The following KCNU1 variants were observed in gnomAD, a reference collection of about 807,000 sequenced individuals.
KCNU1 encodes potassium channel subfamily U member 1.
KCNU1 carries 93 observed loss-of-function variants against 126.8 expected under a neutral mutation model. That is an observed-to-expected ratio of 0.73 (90% confidence interval 0.62 to 0.87). KCNU1 has a LOEUF of 0.87. Among genes scored for constraint, KCNU1 ranks in the 40% least tolerant of loss-of-function variants. The pLI, the probability that KCNU1 is intolerant of heterozygous loss-of-function variation, is 0.00. For synonymous variants in KCNU1, 523 were observed against 494.2 expected (o/e 1.06, Z -0.77); for missense variants, 1,330 against 1,367.1 (o/e 0.97, Z 0.43).
intron 19 of KCNU1, among the ~76,000 whole-genome samples, chr8:36,866,290 C>T (rs1432478662): frequency 1.3e-5 from 2 of 152,090 alleles, no homozygotes; most frequent in African/African-American, 4.8e-5. Context: ...CTTCCGTTTA[C>T]CTGAGGATTC....
At chr8:36,836,499 G>A in intron 13 of KCNU1, 134 bp downstream of exon 13, 2 of 641,366 alleles carry the variant, frequency 3.1e-6, no homozygotes, top group Non-Finnish European at 5.4e-6. Context: ...TTATTAAGAT[G>A]GATAATCACT....
chr8:36,876,774 G>GGT (rs1321156588), intron 19 of KCNU1, among the ~76,000 whole-genome samples: 1 of 152,154 alleles, frequency 6.6e-6, no homozygotes, highest in African/African-American at 2.4e-5. Context: ...TTTCAAGGTA[G>GGT]GTGTGTATGT....
In KCNU1 at chr8:36,931,094, G is replaced by C. The variant is rs769435361; in HGVS notation, c.2880G>C (p.Arg960=). ...SCTSLLSGRN[R]CKLGLLSLHE... ...CGTCGCTCTTGTCTGGAAGAAACCGGTGTAAGCTGGGGCTTCTGTCCTTAC... is the reference window on the plus strand; with the variant it reads ...CGTCGCTCTTGTCTGGAAGAAACCGCTGTAAGCTGGGGCTTCTGTCCTTAC... The change falls in exon 25 of 27, where the codon CGG becomes CGC. Residue 960 remains arginine (R), a synonymous_variant. Transcript: ENST00000399881. The C allele has an allele frequency of 2.5e-6, 4 of 1,611,450 alleles. No homozygotes were observed. The highest frequency in any genetic ancestry group is 1.3e-5 in the African/African-American group (1 of 74,790).
intron 22 of KCNU1, among the ~76,000 whole-genome samples, chr8:36,917,865 G>A (rs184235080): frequency 6.4e-4 from 98 of 152,244 alleles, no homozygotes; most frequent in Admixed American, 2.9e-3. Flanking sequence ...TGAGCACAGA[G>A]GTCAAGGGCT....
chr8:36,891,435 A>G (rs1448464669), intron 19 of KCNU1, among the ~76,000 whole-genome samples: 2 of 152,028 alleles, frequency 1.3e-5, no homozygotes, highest in Non-Finnish European at 2.9e-5. Context: ...GTCAGACAAG[A>G]TAATACAAAA....
intron 2 of KCNU1, among the ~76,000 whole-genome samples, chr8:36,797,590 C>G (rs1803147195): frequency 6.6e-6 from 1 of 151,424 alleles, no homozygotes; most frequent in South Asian, 2.1e-4. Context: ...TATTATGTAC[C>G]AGTTTTTCTT....
Position 36,817,691 on chromosome 8 carries a change from C to T in KCNU1, c.1037C>T (p.Thr346Ile), listed in dbSNP as rs1360683639. ...VCGNITVDSV[T>I]AFLRNFLRDK... ...GGAAACATCACTGTGGACAGTGTGA[C>T]CGCTTTCCTGAGGAATTTCCTCCGC... The change falls in exon 10 of 27, where the codon ACC (threonine) becomes ATC (isoleucine). Residue 346 changes from threonine (T) to isoleucine (I), a missense_variant. Thr to Ile is a moderately conservative substitution (Grantham distance 89, BLOSUM62 -1). This residue lies in a region of KCNU1 where 1,054 missense variants were observed against 1,053.9 expected (regional missense o/e 1.00). Coordinates refer to ENST00000399881, the MANE Select transcript of KCNU1 (RefSeq NM_001031836.3). 6.2e-7 allele frequency: 1 copy of T among 1,612,908 alleles called. No homozygotes were observed. The highest frequency in any genetic ancestry group is 1.1e-5 in the South Asian group (1 of 91,048).
intron 19 of KCNU1, among the ~76,000 whole-genome samples, chr8:36,895,333 C>T (rs1807146030): frequency 6.6e-6 from 1 of 152,048 alleles, no homozygotes; most frequent in African/African-American, 2.4e-5. Context: ...CCCCCCTCAG[C>T]CTCCCAAAGT....
chr8:36,799,713 T>C (rs1229663998), intron 2 of KCNU1, among the ~76,000 whole-genome samples: 2 of 151,406 alleles, frequency 1.3e-5, no homozygotes, highest in Non-Finnish European at 2.9e-5. Flanking sequence ...TTTTTTTTTT[T>C]GTATTTTTAG....
At chr8:36,825,143 C>G (rs1804272238) in intron 10 of KCNU1, among the ~76,000 whole-genome samples, 1 of 152,126 alleles carries the variant, frequency 6.6e-6, no homozygotes, top group Non-Finnish European at 1.5e-5. Flanking sequence ...TTAGAAACAG[C>G]AGTCTTTTTA....
chr8:36,860,980 C>T (rs747253365), intron 18 of KCNU1, among the ~76,000 whole-genome samples: 3 of 151,500 alleles, frequency 2.0e-5, no homozygotes, highest in Non-Finnish European at 2.9e-5. Flanking sequence ...CCCCAGCCAA[C>T]GTTTCCTAGG....
At chr8:36,799,171 C>A (rs1300405722) in intron 2 of KCNU1, among the ~76,000 whole-genome samples, 2 of 152,184 alleles carry the variant, frequency 1.3e-5, no homozygotes, top group Admixed American at 6.5e-5. Flanking sequence ...GGTGTGACTT[C>A]TGCTTTCCCT....
At chr8:36,917,427 G>C (rs984669009) in intron 22 of KCNU1, among the ~76,000 whole-genome samples, 1 of 150,428 alleles carries the variant, frequency 6.6e-6, no homozygotes, top group Non-Finnish European at 1.5e-5. Context: ...GCGGCTCACC[G>C]TAAGCTCTGA....
chr8:36,858,200 CTG>C (rs1805603461), intron 18 of KCNU1, among the ~76,000 whole-genome samples: 1 of 88,884 alleles, frequency 1.1e-5, no homozygotes, highest in Admixed American at 1.1e-4. Flanking sequence ...AAAAAAAAAA[CTG>C]TTCGTATGTA....
chr8:36,823,959 T>C (rs1013862529), intron 10 of KCNU1, among the ~76,000 whole-genome samples: 12 of 150,730 alleles, frequency 8.0e-5, no homozygotes, highest in African/African-American at 2.9e-4. Flanking sequence ...TGCCTCAGCC[T>C]CCCAAGTAGC....
At chr8:36,888,808 A>G (rs1806828898) in intron 19 of KCNU1, 1 of 520,976 alleles carries the variant, frequency 1.9e-6, no homozygotes, top group African/African-American at 1.9e-5. Flanking sequence ...GACCAGAAAG[A>G]GTGAAACTTT....
chr8:36,878,373 G>A (rs1239161423), intron 19 of KCNU1, among the ~76,000 whole-genome samples: 4 of 152,102 alleles, frequency 2.6e-5, no homozygotes, highest in African/African-American at 4.8e-5. Flanking sequence ...ACTCTACCAC[G>A]GGTCCATGTG....
At chr8:36,833,110 ATAAAAAT>A (rs1804614796) in intron 10 of KCNU1, among the ~76,000 whole-genome samples, 2 of 152,120 alleles carry the variant, frequency 1.3e-5, no homozygotes, top group Non-Finnish European at 2.9e-5. Context: ...TGTGTTCTTT[ATAAAAAT>A]TAGTTCCTCT....
chr8:36,786,372 C>T (rs550185312), intron 1 of KCNU1, among the ~76,000 whole-genome samples: 4 of 152,136 alleles, frequency 2.6e-5, no homozygotes, highest in Admixed American at 1.3e-4. Flanking sequence ...ATTTAGAAAC[C>T]GACATGAGTC....
Sources: allele counts gnomAD v4.1 joint callset (sites outside exome capture counted in the v4.1 genomes callset), GRCh38; gene constraint gnomAD v4.1.1; regional missense constraint gnomAD v4.1.1; transcripts MANE v1.5; gene names NCBI Gene and HGNC (gene_info 2026-07-23, HGNC 2026-07-21).